The following TRAF3 variants were observed in gnomAD, a reference collection of about 807,000 sequenced individuals.
TRAF3 encodes TNF receptor-associated factor 3.
TRAF3 carries 13 observed loss-of-function variants against 62.3 expected under a neutral mutation model. The ratio of observed to expected loss-of-function variants is 0.21; its 90% CI spans 0.14 to 0.33. The LOEUF (loss-of-function observed/expected upper bound fraction) is 0.33. TRAF3 is among the 10% of genes least tolerant of loss of function. The probability of loss-of-function intolerance (pLI) is 1.00; values close to 1 mark genes in which losing one functional copy is unlikely to be tolerated. For synonymous variants in TRAF3, 269 were observed against 283.4 expected (o/e 0.95, Z 0.51); for missense variants, 440 against 741.8 (o/e 0.59, Z 4.73).
chr14:102,889,469 A>G, intron 7 of TRAF3, 91 bp from the exon 8 acceptor site: 1 of 1,284,624 alleles, frequency 7.8e-7, no homozygotes, highest in Non-Finnish European at 1.1e-6. Context: ...CATTCTTAAT[A>G]GTACAGCTCA....
intron 1 of TRAF3, among the ~76,000 whole-genome samples, chr14:102,801,108 G>A (rs1898383820): frequency 6.6e-6 from 1 of 152,254 alleles, no homozygotes; most frequent in Admixed American, 6.5e-5. Context: ...GGAGCTTGCA[G>A]TGAGCGGAGA....
intron 1 of TRAF3, among the ~76,000 whole-genome samples, chr14:102,798,269 T>G (rs1044675406): frequency 8.6e-5 from 13 of 151,864 alleles, no homozygotes. Context: ...TTGCCCAGGT[T>G]GGAGTGCAGT....
chr14:102,811,913 C>CCTTTTTTTTTTTTTTT (rs1381571409), intron 1 of TRAF3, among the ~76,000 whole-genome samples: 2 of 47,076 alleles, frequency 4.2e-5, no homozygotes, highest in Admixed American at 3.5e-4. Context: ...ATGCCTGGCC[C>CCTTTTTTTTTTTTTTT]TTTTTTTTTT....
At chr14:102,840,794 A>G (rs1045586503) in intron 2 of TRAF3, among the ~76,000 whole-genome samples, 11 of 152,224 alleles carry the variant, frequency 7.2e-5, no homozygotes, top group African/African-American at 2.7e-4. Context: ...CTTGAAAACC[A>G]GACAAAATAT....
At chr14:102,901,084 T>C (rs1890272675) in intron 10 of TRAF3, among the ~76,000 whole-genome samples, 1 of 152,236 alleles carries the variant, frequency 6.6e-6, no homozygotes, top group African/African-American at 2.4e-5. Flanking sequence ...TTGCTGCTCA[T>C]GGAGACGCCT....
intron 2 of TRAF3, among the ~76,000 whole-genome samples, chr14:102,840,128 C>T (rs749983418): frequency 5.3e-5 from 8 of 152,106 alleles, no homozygotes; most frequent in Non-Finnish European, 1.2e-4. Flanking sequence ...TTTAAAGGGA[C>T]ACCCAAAATC....
At chr14:102,801,225 C>T (rs991108101) in intron 1 of TRAF3, among the ~76,000 whole-genome samples, 8 of 152,152 alleles carry the variant, frequency 5.3e-5, no homozygotes, top group Non-Finnish European at 7.4e-5. Context: ...CCTCCCACCT[C>T]GGCCTCCCAA....
chr14:102,859,096 C>T (rs565856868), intron 2 of TRAF3, among the ~76,000 whole-genome samples: 1 of 152,030 alleles, frequency 6.6e-6, no homozygotes, highest in Admixed American at 6.5e-5. Flanking sequence ...CACAGAATTT[C>T]TTTTAAAAGA....
In TRAF3 at chr14:102,826,398, GC is replaced by G; in HGVS notation, c.-156-3935del. Among the ~76,000 whole-genome samples the G allele has an allele frequency of 6.6e-6, 1 of 152,318 alleles. No individual in the cohort carries two copies. The highest frequency in any genetic ancestry group is 1.5e-5 in the Non-Finnish European group (1 of 68,024). On this transcript the variant is annotated intron_variant, in intron 1 of 11. Transcript: ENST00000392745. The surrounding 1 kb of genome is among the most constrained non-coding windows in gnomAD (Gnocchi z 4.6). ...ATACCACCCTGACCGCCACTGCAGG[GC>G]TTCTGTGCGGGGGCAGCTGCAGAGC...
intron 2 of TRAF3, among the ~76,000 whole-genome samples, chr14:102,852,592 T>G (rs1347006731): frequency 6.6e-6 from 1 of 152,226 alleles, no homozygotes; most frequent in Non-Finnish European, 1.5e-5. Context: ...TCCTTTTAAT[T>G]TTCCTATTGA....
chr14:102,805,487 C>G (rs960621829), intron 1 of TRAF3, among the ~76,000 whole-genome samples: 3 of 152,176 alleles, frequency 2.0e-5, no homozygotes, highest in African/African-American at 7.2e-5. Context: ...CTGGGAGCCC[C>G]CTTGCGTAGA....
intron 4 of TRAF3, 25 bp downstream of exon 4, chr14:102,871,993 T>C: frequency 6.2e-7 from 1 of 1,609,668 alleles, no homozygotes; most frequent in Non-Finnish European, 8.5e-7. Context: ...TTTTTAATCA[T>C]TTTGTCACAT....
rs1044339187 is a variant in TRAF3 at position 102,826,298 on chromosome 14, G to A, written c.-156-4036G>A. ...TCACAGAGGAACAAGTGAGTTGTGC[G>A]TGTGGAGCAGGTGGCTGACATGTGG... is the stretch of plus-strand genomic sequence containing the variant. On this transcript the variant is annotated intron_variant, in intron 1 of 11. Coordinates refer to ENST00000392745, the MANE Select transcript of TRAF3 (RefSeq NM_145725.3). The surrounding 1 kb of genome is among the most constrained non-coding windows in gnomAD (Gnocchi z 4.6). Among the ~76,000 whole-genome samples, 5 of 152,158 alleles carry A rather than the reference G, an allele frequency of 3.3e-5. No homozygotes were observed. The highest frequency in any genetic ancestry group is 1.9e-4 in the East Asian group (1 of 5,190).
intron 1 of TRAF3, among the ~76,000 whole-genome samples, chr14:102,825,283 T>C (rs991645497): frequency 2.0e-5 from 3 of 152,128 alleles, no homozygotes; most frequent in African/African-American, 7.2e-5. Context: ...ACCTCAACTG[T>C]AAACTGGAGA....
At chr14:102,798,309 C>G (rs1172944375) in intron 1 of TRAF3, among the ~76,000 whole-genome samples, 2 of 151,330 alleles carry the variant, frequency 1.3e-5, no homozygotes, top group Non-Finnish European at 2.9e-5. Context: ...GTAGCCTCGA[C>G]CTCTCAGTCT....
chr14:102,810,410 A>G (rs920934268), intron 1 of TRAF3, among the ~76,000 whole-genome samples: 3 of 152,214 alleles, frequency 2.0e-5, no homozygotes, highest in African/African-American at 7.2e-5. Flanking sequence ...GTGGTGGACC[A>G]TCAGAAGCTT....
chr14:102,842,109 G>T (rs1886406016), intron 2 of TRAF3, among the ~76,000 whole-genome samples: 1 of 151,670 alleles, frequency 6.6e-6, no homozygotes, highest in African/African-American at 2.4e-5. Flanking sequence ...GCCGGGCGTG[G>T]TGCAGGCGCC....
rs1289100309 is a variant in TRAF3, at chr14:102,911,171, C to T, written c.*5387C>T. The T allele has an allele frequency of 6.6e-6, 1 of 152,206 alleles. No homozygotes were observed. The highest frequency in any genetic ancestry group is 6.5e-5 in the Admixed American group (1 of 15,286). 9.4% of individuals were successfully genotyped at this position (152,206 alleles called of 1,614,324 possible). On this transcript the variant is annotated 3_prime_UTR_variant, in exon 12 of 12. Coordinates refer to ENST00000392745, the MANE Select transcript of TRAF3 (RefSeq NM_145725.3). ...CGCTTGCTGTGAAGACACATCTTGA[C>T]AGTCCAAGTGATTTTGTGACCAGTG...
chr14:102,847,432 C>T (rs1886791520), intron 2 of TRAF3, among the ~76,000 whole-genome samples: 1 of 152,134 alleles, frequency 6.6e-6, no homozygotes, highest in African/African-American at 2.4e-5. Context: ...TCCTCGACCT[C>T]CCAAAGTGCT....
Sources: allele counts gnomAD v4.1 joint callset (sites outside exome capture counted in the v4.1 genomes callset), GRCh38; gene constraint gnomAD v4.1.1; non-coding constraint Gnocchi (gnomAD v3.1); transcripts MANE v1.5; gene names NCBI Gene and HGNC (gene_info 2026-07-23, HGNC 2026-07-21).